PDE4D: variants seen among roughly 807,000 people sequenced by gnomAD.
PDE4D encodes the protein 3',5'-cyclic-AMP phosphodiesterase 4D.
PDE4D carries 24 observed loss-of-function variants against 87.4 expected under a neutral mutation model. The ratio of observed to expected loss-of-function variants is 0.27; its 90% confidence interval spans 0.20 to 0.39. The LOEUF (loss-of-function observed/expected upper bound fraction) is 0.39, where lower values mean the gene tolerates loss of function less well. Ranked by LOEUF, PDE4D falls within the 10% of genes least tolerant of loss-of-function variation. PDE4D has a pLI of 1.00. For missense variants in PDE4D, 714 were observed against 1,041.0 expected, an observed-to-expected ratio of 0.69 and a Z score of 4.32; for synonymous variants, 384 against 383.2, an observed-to-expected ratio of 1.00 and a Z score of -0.02.
intron 1 of PDE4D, among the ~76,000 whole-genome samples, chr5:59,226,049 TG>T (rs1180273517): frequency 5.3e-5 from 8 of 151,322 alleles, no homozygotes; most frequent in African/African-American, 1.7e-4. Context: ...GTACTGATGG[TG>T]GGACTGTAAA....
intron 6 of PDE4D, among the ~76,000 whole-genome samples, chr5:59,030,423 A>G (rs1346046063): frequency 5.0e-5 from 3 of 60,370 alleles, no homozygotes; most frequent in Non-Finnish European, 1.1e-4. Flanking sequence ...ACAGAGATAC[A>G]AAAAAAAAAA....
intron 1 of PDE4D, among the ~76,000 whole-genome samples, chr5:60,328,691 C>G (rs1054772086): frequency 6.6e-6 from 1 of 152,082 alleles, no homozygotes; most frequent in African/African-American, 2.4e-5. Flanking sequence ...AATGAAATAG[C>G]TAGTACATAG....
intron 1 of PDE4D, among the ~76,000 whole-genome samples, chr5:60,427,868 T>C (rs879476700): frequency 6.6e-6 from 1 of 151,962 alleles, no homozygotes; most frequent in Non-Finnish European, 1.5e-5. Flanking sequence ...GCCCAGGAGT[T>C]TGAGACCAGC....
intron 1 of PDE4D, among the ~76,000 whole-genome samples, chr5:59,811,991 G>A (rs1277416880): frequency 2.6e-5 from 4 of 152,196 alleles, no homozygotes; most frequent in Admixed American, 6.5e-5. Context: ...AGCCTAGCGC[G>A]AGGAAAGTGA....
chr5:60,450,478 G>A (rs1746014322), intron 1 of PDE4D, among the ~76,000 whole-genome samples: 1 of 152,088 alleles, frequency 6.6e-6, no homozygotes, highest in Non-Finnish European at 1.5e-5. Context: ...ACTTGGAGAA[G>A]GGAGGGACAA....
intron 6 of PDE4D, among the ~76,000 whole-genome samples, chr5:59,022,608 C>T (rs1308435964): frequency 1.3e-5 from 2 of 152,148 alleles, no homozygotes; most frequent in African/African-American, 4.8e-5. Flanking sequence ...CTTTACAGCT[C>T]AGATTCTCAG....
intron 6 of PDE4D, among the ~76,000 whole-genome samples, chr5:58,999,032 T>C (rs572970285): frequency 2.0e-5 from 3 of 152,316 alleles, no homozygotes; most frequent in Non-Finnish European, 2.9e-5. Context: ...CAATTTTTAA[T>C]GTCACCTAGG....
chr5:60,027,899 A>T (rs1766804395), intron 2 of PDE4D, among the ~76,000 whole-genome samples: 4 of 152,194 alleles, frequency 2.6e-5, no homozygotes, highest in Admixed American at 6.5e-5. Context: ...CTTGAGTTAA[A>T]ACTTTCGTGT....
rs943528926 is a variant in PDE4D at position 59,428,585 on chromosome 5, G to A, written c.456-212617C>T. Among the ~76,000 whole-genome samples the A allele has an allele frequency of 5.9e-5, 9 of 152,212 alleles. No individual in the cohort carries two copies. In the East Asian group the frequency reaches 1.7e-3, roughly 29 times the overall value. ...CCATTCAAAACTTAGGTAGATTTTA[G>A]TGAATCTAAGATGATGACTCACCAT... is the stretch of plus-strand genomic sequence containing the variant. On this transcript the variant is annotated intron_variant, in intron 1 of 14. Coordinates refer to ENST00000340635, the MANE Select transcript of PDE4D (RefSeq NM_001104631.2).
At chr5:59,310,162 C>T (rs545529454) in intron 1 of PDE4D, among the ~76,000 whole-genome samples, 62 of 152,278 alleles carry the variant, frequency 4.1e-4, no homozygotes, top group African/African-American at 1.4e-3. Context: ...AGGGCTTGAG[C>T]CTAGGCCATT....
chr5:59,423,985 ACCCAAGAT>A (rs1287260070), intron 1 of PDE4D, among the ~76,000 whole-genome samples: 1 of 152,074 alleles, frequency 6.6e-6, no homozygotes, highest in Non-Finnish European at 1.5e-5. Context: ...TGAGGGTTGG[ACCCAAGAT>A]GGTAGCAGTG....
chr5:60,166,726 A>AT lies in PDE4D; in HGVS notation c.42+18830dup, dbSNP rs35155097. On this transcript the variant is annotated intron_variant, in intron 2 of 16. Coordinates refer to the PDE4D transcript ENST00000502484. Reference sequence around the variant, plus strand: ...TCCAGCTTGAAGAACTCCATTAAGCATTTTTTTTAACACAGGTCTGGCAAT... The same window carrying AT: ...TCCAGCTTGAAGAACTCCATTAAGCATTTTTTTTTAACACAGGTCTGGCAAT... Among the ~76,000 whole-genome samples, 1,165 of 151,862 alleles carry AT rather than the reference A, an allele frequency of 7.7e-3. 14 individuals are homozygous for AT. Among genetic ancestry groups the AT allele is most frequent in the African/African-American group, 0.026 (1,083 of 41,416 alleles).
At chr5:60,379,932 A>T (rs908097688) in intron 1 of PDE4D, among the ~76,000 whole-genome samples, 4 of 152,208 alleles carry the variant, frequency 2.6e-5, no homozygotes. Context: ...CCATGACCAC[A>T]GGTAAGGTAC....
At chr5:60,046,215 T>A (rs2152873638) in intron 2 of PDE4D, among the ~76,000 whole-genome samples, 1 of 152,336 alleles carries the variant, frequency 6.6e-6, no homozygotes, top group South Asian at 2.1e-4. Flanking sequence ...TACATTGATT[T>A]TGTATCCTGA....
chr5:59,452,160 G>A lies in PDE4D; in HGVS notation c.456-236192C>T, dbSNP rs570778097. Among the ~76,000 whole-genome samples, 4 of 152,160 alleles carry A rather than the reference G, an allele frequency of 2.6e-5. No individual in the cohort carries two copies. In the East Asian group the frequency reaches 7.7e-4, roughly 29 times the overall value. ...TGTGGCCCAGGGAAGACAGAAGATT[G>A]GACACTTCTGATCTAGAATATTCTT... On this transcript the variant is annotated intron_variant, in intron 1 of 14. Transcript: ENST00000340635.
At chr5:60,279,663 G>A (rs942054941) in intron 1 of PDE4D, among the ~76,000 whole-genome samples, 1 of 150,148 alleles carries the variant, frequency 6.7e-6, no homozygotes, top group Admixed American at 6.6e-5. Context: ...TAATGCATTG[G>A]TATTTTTGTG....
At chr5:59,044,014 A>T (rs1580485808) in intron 5 of PDE4D, among the ~76,000 whole-genome samples, 1 of 152,200 alleles carries the variant, frequency 6.6e-6, no homozygotes, top group Non-Finnish European at 1.5e-5. Context: ...CACAATAAAC[A>T]TACGTGTGCA....
chr5:60,116,828 A>G (rs1440575630), intron 2 of PDE4D, among the ~76,000 whole-genome samples: 1 of 152,092 alleles, frequency 6.6e-6, no homozygotes, highest in Non-Finnish European at 1.5e-5. Flanking sequence ...GTTTGCATCT[A>G]TCATGTTAAT....
At chr5:59,743,969 A>G (rs1759238392) in intron 1 of PDE4D, among the ~76,000 whole-genome samples, 1 of 152,170 alleles carries the variant, frequency 6.6e-6, no homozygotes, top group Non-Finnish European at 1.5e-5. Context: ...ATAGATAGAT[A>G]CAGATCGATA....
Sources: allele counts gnomAD v4.1 joint callset (sites outside exome capture counted in the v4.1 genomes callset), GRCh38; gene constraint gnomAD v4.1.1; transcripts MANE v1.5; gene names NCBI Gene and HGNC (gene_info 2026-07-23, HGNC 2026-07-21).